The following RIMKLB variants were observed in gnomAD, a reference collection of about 807,000 sequenced individuals.
RIMKLB encodes the protein beta-citrylglutamate synthase B.
A neutral mutation model predicts 32.0 loss-of-function variants in RIMKLB; 7 were observed. The ratio of observed to expected loss-of-function variants is 0.22; its 90% confidence interval spans 0.12 to 0.41. RIMKLB has a LOEUF of 0.41. Among genes scored for constraint, RIMKLB ranks in the 10% least tolerant of loss-of-function variants. The pLI, the probability that RIMKLB is intolerant of heterozygous loss-of-function variation, is 1.00. For synonymous variants in RIMKLB, 172 were observed against 185.1 expected, an observed-to-expected ratio of 0.93 and a Z score of 0.57; for missense variants, 289 against 498.7, an observed-to-expected ratio of 0.58 and a Z score of 4.00.
At chr12:8,731,514 C>T (rs1056742045) in intron 2 of RIMKLB, among the ~76,000 whole-genome samples, 14 of 151,818 alleles carry the variant, frequency 9.2e-5, no homozygotes, top group African/African-American at 3.1e-4. Flanking sequence ...TTTCCTATTC[C>T]ACCACTTTGC....
intron 2 of RIMKLB, among the ~76,000 whole-genome samples, chr12:8,726,635 C>G (rs1437916912): frequency 6.6e-6 from 1 of 151,180 alleles, no homozygotes; most frequent in East Asian, 1.9e-4. Context: ...TTTTTACCCA[C>G]AAGTTTACTG....
chr12:8,705,556 A>G (rs936948099), intron 1 of RIMKLB, among the ~76,000 whole-genome samples: 1 of 152,054 alleles, frequency 6.6e-6, no homozygotes, highest in Non-Finnish European at 1.5e-5. Context: ...ACAGTGAAAG[A>G]AGGATGGAAA....
At chr12:8,674,911 T>C in the RIMKLB span, among the ~76,000 whole-genome samples, 1 of 146,794 alleles carries the variant, frequency 6.8e-6, no homozygotes, top group African/African-American at 2.7e-5. Flanking sequence ...TCTCCCAGGC[T>C]GGAGTGCAAT....
chr12:8,686,109 T>G (rs1349436767), intron 1 of RIMKLB, among the ~76,000 whole-genome samples: 4 of 151,992 alleles, frequency 2.6e-5, no homozygotes, highest in Non-Finnish European at 5.9e-5. Flanking sequence ...CCCGGACTAA[T>G]TTTTGTGTTT....
intron 1 of RIMKLB, among the ~76,000 whole-genome samples, chr12:8,704,498 A>G (rs75363021): frequency 0.011 from 1,691 of 152,320 alleles, 26 homozygotes; most frequent in African/African-American, 0.039. Context: ...AGAAAGAGAA[A>G]TTGTCTTTGT....
chr12:8,753,811 TA>T lies in RIMKLB; in HGVS notation c.494-78del. 6 of 1,121,192 alleles carry T rather than the reference TA, an allele frequency of 5.4e-6. No homozygotes were observed. In the South Asian group the frequency reaches 7.8e-5, roughly 15 times the overall value. 69.5% of individuals were successfully genotyped at this position (1,121,192 alleles called of 1,614,324 possible). On this transcript the variant is annotated intron_variant, in intron 4 of 5. Transcript: ENST00000535829. ...TTGGTTCTGAAATAGCAGATTGTGA[TA>T]CAAGAAGATTCAGATAATAGGTATC...
At position 8,773,592 on chromosome 12, in the gene RIMKLB, C is replaced by T; in HGVS notation, c.969C>T (p.Ser323=). 2 of 1,614,232 alleles carry T rather than the reference C, an allele frequency of 1.2e-6. No homozygotes were observed. Among genetic ancestry groups the T allele is most frequent in the Non-Finnish European group, 1.7e-6 (2 of 1,180,044 alleles). ...TRRMSLLSVV[S]TASETSEPEL... is the part of the protein sequence containing the mutation. ...GTATGTCCCTGCTCTCCGTGGTGTC[C>T]ACTGCCAGTGAGACTAGTGAGCCGG... Residue 323 remains serine (S), a synonymous_variant, in exon 6 of 6, where the codon TCC becomes TCT. Coordinates refer to ENST00000535829, the MANE Select transcript of RIMKLB (RefSeq NM_001297776.2).
At chr12:8,746,592 C>A (rs1208491409) in intron 2 of RIMKLB, among the ~76,000 whole-genome samples, 1 of 139,892 alleles carries the variant, frequency 7.1e-6, no homozygotes, top group Non-Finnish European at 1.5e-5. Context: ...AGTTGAGACT[C>A]TGTCTCAAAA....
chr12:8,719,493 C>T (rs1945224707), intron 2 of RIMKLB, among the ~76,000 whole-genome samples: 1 of 152,126 alleles, frequency 6.6e-6, no homozygotes, highest in African/African-American at 2.4e-5. Flanking sequence ...CTCAGCCTCC[C>T]AAGTAGCTGA....
At chr12:8,742,055 C>T (rs1947601672) in intron 2 of RIMKLB, among the ~76,000 whole-genome samples, 1 of 151,488 alleles carries the variant, frequency 6.6e-6, no homozygotes, top group Non-Finnish European at 1.5e-5. Context: ...CATGCGCCAC[C>T]ATGCCCACCT....
chr12:8,707,984 G>T (rs935648053), intron 1 of RIMKLB, among the ~76,000 whole-genome samples: 2 of 152,038 alleles, frequency 1.3e-5, no homozygotes, highest in African/African-American at 4.8e-5. Context: ...ACTGACAAAT[G>T]GAATAAATGC....
chr12:8,746,639 T>A (rs1248195277), intron 2 of RIMKLB, among the ~76,000 whole-genome samples: 1 of 151,394 alleles, frequency 6.6e-6, no homozygotes, highest in Non-Finnish European at 1.5e-5. Flanking sequence ...AAGATGCTCG[T>A]AACAAATGAT....
intron 5 of RIMKLB, among the ~76,000 whole-genome samples, chr12:8,761,793 C>G (rs867754739): frequency 2.6e-5 from 4 of 152,060 alleles, no homozygotes; most frequent in Admixed American, 6.6e-5. Flanking sequence ...GGTTGGCTGA[C>G]GACTGCTTTT....
rs1950743833 is a variant in RIMKLB, at chr12:8,776,658, T to C, written c.*2874T>C. 1.0e-6 allele frequency: 1 copy of C among 960,508 alleles called. No individual in the cohort carries two copies. The highest frequency in any genetic ancestry group is 1.2e-6 in the Non-Finnish European group (1 of 807,388). The allele number at this position is 960,508 out of a possible 1,614,324, so 59.5% of individuals were successfully genotyped here. A position where few individuals can be genotyped will look rare whatever the true frequency, so the allele number is the denominator to read the frequency against. On this transcript the variant is annotated 3_prime_UTR_variant, in exon 6 of 6. Coordinates refer to ENST00000535829, the MANE Select transcript of RIMKLB (RefSeq NM_001297776.2). ...ACATACAAGTATGAACTATTCTATTTAAAATTTTTAATAGTTTTTTTCTTT... is the reference window on the plus strand; with the variant it reads ...ACATACAAGTATGAACTATTCTATTCAAAATTTTTAATAGTTTTTTTCTTT...
chr12:8,751,826 A>G lies in RIMKLB; in HGVS notation c.407-131A>G, dbSNP rs775746886. 13 of 630,248 alleles carry G rather than the reference A, an allele frequency of 2.1e-5. No individual in the cohort carries two copies. In the Admixed American group the frequency reaches 2.7e-4, roughly 13 times the overall value. 39.0% of individuals were successfully genotyped at this position (630,248 alleles called of 1,614,324 possible). ...TTTCAACTTACACATACTTTCTCCA[A>G]GAAAAAAAGTTAGCCATCAGGCTCT... On this transcript the variant is annotated intron_variant, in intron 3 of 5. Coordinates refer to ENST00000535829, the MANE Select transcript of RIMKLB (RefSeq NM_001297776.2).
rs770715573 is a variant in RIMKLB, at chr12:8,773,418, G to A, written c.795G>A (p.Leu265=). 22 of 1,614,044 alleles carry A rather than the reference G, an allele frequency of 1.4e-5. No individual in the cohort carries two copies. Among genetic ancestry groups the A allele is most frequent in the Middle Eastern group, 1.6e-4 (1 of 6,084 alleles). The change falls in exon 6 of 6, where the codon CTG becomes CTA. Residue 265 remains leucine (L), a synonymous_variant. Coordinates refer to ENST00000535829, the MANE Select transcript of RIMKLB (RefSeq NM_001297776.2). The part of the protein sequence containing the change: ...ILGMDVCGID[L]LMKDDGSFCV... ...GGATGGATGTGTGTGGCATTGATCT[G>A]CTGATGAAAGATGACGGCTCCTTCT...
chr12:8,732,442 A>C (rs1387774873), intron 2 of RIMKLB, among the ~76,000 whole-genome samples: 1 of 152,112 alleles, frequency 6.6e-6, no homozygotes, highest in African/African-American at 2.4e-5. Flanking sequence ...CTGTTTATGG[A>C]GATAGTAATC....
At chr12:8,701,183 A>G (rs1173029190) in intron 1 of RIMKLB, among the ~76,000 whole-genome samples, 6 of 152,220 alleles carry the variant, frequency 3.9e-5, no homozygotes, top group South Asian at 2.1e-4. Flanking sequence ...AGTTGTTTCA[A>G]GAGGTTGAGT....
At chr12:8,716,760 G>T (rs1944895548) in intron 2 of RIMKLB, among the ~76,000 whole-genome samples, 2 of 131,128 alleles carry the variant, frequency 1.5e-5, no homozygotes, top group South Asian at 4.8e-4. Flanking sequence ...ACTTTGAGAC[G>T]GGGTCTCGCT....
Sources: gnomAD v4.1 joint callset for allele counts (sites outside exome capture counted in the v4.1 genomes callset) on GRCh38, gnomAD v4.1.1 for gene constraint, MANE v1.5 for transcripts, NCBI Gene and HGNC (gene_info 2026-07-23, HGNC 2026-07-21) for gene names.